The following ERBB4 variants were observed in gnomAD, a reference collection of about 807,000 sequenced individuals.
ERBB4 encodes erb-b2 receptor tyrosine kinase 4.
ERBB4 carries 42 observed loss-of-function variants against 158.0 expected under a neutral mutation model. The ratio of observed to expected loss-of-function variants is 0.27; its 90% CI spans 0.21 to 0.34. The LOEUF (loss-of-function observed/expected upper bound fraction) is 0.34, where lower values mean the gene tolerates loss of function less well. ERBB4 is among the 10% of genes least tolerant of loss of function. The pLI is 1.00. For synonymous variants in ERBB4, 583 were observed against 558.7 expected (o/e 1.04, Z -0.61); for missense variants, 1,333 against 1,624.1 (o/e 0.82, Z 3.08).
chr2:212,349,921 C>T (rs1391656594), intron 1 of ERBB4, among the ~76,000 whole-genome samples: 1 of 151,994 alleles, frequency 6.6e-6, no homozygotes, highest in Non-Finnish European at 1.5e-5. Context: ...AGGCAACTCA[C>T]CATGCTCATC....
At chr2:211,800,467 C>G (rs74383217) in intron 3 of ERBB4, among the ~76,000 whole-genome samples, 4,892 of 151,988 alleles carry the variant, frequency 0.032, 238 homozygotes, top group East Asian at 0.17. Flanking sequence ...CGTGAGTAAT[C>G]TAAATGGAAA....
chr2:212,163,573 A>C (rs1252965299), intron 1 of ERBB4, among the ~76,000 whole-genome samples: 1 of 151,914 alleles, frequency 6.6e-6, no homozygotes, highest in East Asian at 1.9e-4. Context: ...TCTTAGAATA[A>C]TGAATAATTT....
rs72933165 is a variant in ERBB4 at position 212,384,314 on chromosome 2, G to T, written c.82+154135C>A. On this transcript the variant is annotated intron_variant, in intron 1 of 27. Coordinates refer to ENST00000342788, the MANE Select transcript of ERBB4 (RefSeq NM_005235.3). Reference sequence around the variant, plus strand: ...GCAGTGACTTAAGACAAGTAGACTGGCCTGTTACTGCTGGGATCACTTCCA... The same window carrying T: ...GCAGTGACTTAAGACAAGTAGACTGTCCTGTTACTGCTGGGATCACTTCCA... Among the ~76,000 whole-genome samples the T allele has an allele frequency of 6.0e-3, 915 of 151,654 alleles. 4 individuals are homozygous for T. The highest frequency in any genetic ancestry group is 0.027 in the Middle Eastern group (8 of 294).
At chr2:211,776,871 A>G (rs907413343) in intron 4 of ERBB4, among the ~76,000 whole-genome samples, 2 of 152,158 alleles carry the variant, frequency 1.3e-5, no homozygotes, top group Non-Finnish European at 2.9e-5. Flanking sequence ...TCTATTTATT[A>G]TACAGAATGG....
chr2:211,734,911 A>C (rs1328854308), intron 5 of ERBB4, among the ~76,000 whole-genome samples: 1 of 104,836 alleles, frequency 9.5e-6, no homozygotes, highest in Admixed American at 1.0e-4. Flanking sequence ...GACTCTGTCA[A>C]AAAAAAAAAA....
chr2:212,033,861 C>G (rs1001676339), intron 2 of ERBB4, among the ~76,000 whole-genome samples: 1 of 151,712 alleles, frequency 6.6e-6, no homozygotes, highest in Non-Finnish European at 1.5e-5. Context: ...ATATTAATAC[C>G]AAATTACGCT....
chr2:211,797,866 G>A (rs1183534372), intron 3 of ERBB4, among the ~76,000 whole-genome samples: 1 of 151,866 alleles, frequency 6.6e-6, no homozygotes, highest in Non-Finnish European at 1.5e-5. Context: ...AAATCAGGAA[G>A]GAATAATTGA....
At chr2:211,513,357 C>CAAAAAAAAAAAAAAAAAAAAAA (rs61042785) in intron 20 of ERBB4, among the ~76,000 whole-genome samples, 1 of 39,198 alleles carries the variant, frequency 2.6e-5, no homozygotes, top group African/African-American at 6.6e-5. Context: ...GACTCCGTCT[C>CAAAAAAAAAAAAAAAAAAAAAA]AAAAAAAAAA....
chr2:212,474,918 T>A (rs1689308678), intron 1 of ERBB4, among the ~76,000 whole-genome samples: 1 of 143,128 alleles, frequency 7.0e-6, no homozygotes, highest in South Asian at 2.2e-4. Flanking sequence ...GCCTCCAGAG[T>A]AGCAGGGACC....
At chr2:211,489,266 G>C (rs538316762) in intron 20 of ERBB4, among the ~76,000 whole-genome samples, 2 of 152,100 alleles carry the variant, frequency 1.3e-5, no homozygotes, top group East Asian at 3.9e-4. Context: ...AACTGCAACA[G>C]TTCATTATGA....
chr2:211,931,559 G>C (rs1360279120), intron 3 of ERBB4, among the ~76,000 whole-genome samples: 1 of 151,718 alleles, frequency 6.6e-6, no homozygotes, highest in African/African-American at 2.4e-5. Context: ...CTCACATTTT[G>C]CCTTAGAACT....
chr2:211,632,296 T>C (rs2125877046), intron 16 of ERBB4, among the ~76,000 whole-genome samples: 1 of 152,230 alleles, frequency 6.6e-6, no homozygotes, highest in Admixed American at 6.6e-5. Flanking sequence ...ATCATGCAAG[T>C]TAAATATGTA....
At chr2:211,574,110 G>A (rs554984410) in intron 19 of ERBB4, among the ~76,000 whole-genome samples, 5 of 152,280 alleles carry the variant, frequency 3.3e-5, no homozygotes, top group South Asian at 2.1e-4. Context: ...GAATAAAATC[G>A]TTAAGCAATA....
At chr2:212,122,446 A>C (rs970283270) in intron 2 of ERBB4, among the ~76,000 whole-genome samples, 1 of 152,134 alleles carries the variant, frequency 6.6e-6, no homozygotes, top group Non-Finnish European at 1.5e-5. Context: ...CTTTAAATAC[A>C]TATATTAAAA....
chr2:211,733,333 T>A lies in ERBB4; in HGVS notation c.623-8139A>T, dbSNP rs147784912. 6.9e-4 allele frequency among the ~76,000 whole-genome samples: 105 copies of A among 152,320 alleles called. 1 individual carries two copies. The East Asian group carries it at 0.019, about 27-fold the overall frequency. On this transcript the variant is annotated intron_variant, in intron 5 of 27. Coordinates refer to ENST00000342788, the MANE Select transcript of ERBB4 (RefSeq NM_005235.3). The stretch of plus-strand genomic sequence containing the variant: ...GATTCAAAAAATAATATTGCCTTGT[T>A]ACGTTAACTATAAAAATATTCTTGA...
At chr2:211,512,152 T>C (rs915147304) in intron 20 of ERBB4, among the ~76,000 whole-genome samples, 4 of 152,168 alleles carry the variant, frequency 2.6e-5, no homozygotes, top group African/African-American at 9.7e-5. Context: ...GAACTTTCAC[T>C]GACTCTTGTG....
chr2:211,436,776 G>A (rs1374956820), intron 20 of ERBB4, among the ~76,000 whole-genome samples: 1 of 152,052 alleles, frequency 6.6e-6, no homozygotes, highest in African/African-American at 2.4e-5. Flanking sequence ...TACAATTTCA[G>A]AATTATTATT....
chr2:211,446,162 T>C (rs188395290), intron 20 of ERBB4, among the ~76,000 whole-genome samples: 1 of 152,274 alleles, frequency 6.6e-6, no homozygotes, highest in Admixed American at 6.5e-5. Context: ...ACCATTGGTC[T>C]GATTTCACTC....
At chr2:211,877,531 C>T (rs1006913755) in intron 3 of ERBB4, among the ~76,000 whole-genome samples, 9 of 151,510 alleles carry the variant, frequency 5.9e-5, no homozygotes, top group East Asian at 3.9e-4. Context: ...TTTCTGAGAA[C>T]GTATCTGATT....
Sources: gnomAD v4.1 joint callset for allele counts (sites outside exome capture counted in the v4.1 genomes callset) on GRCh38, gnomAD v4.1.1 for gene constraint, MANE v1.5 for transcripts, NCBI Gene and HGNC (gene_info 2026-07-23, HGNC 2026-07-21) for gene names.